NKAIN3: variants seen among roughly 807,000 people sequenced by gnomAD.
The protein encoded by NKAIN3 is sodium/potassium-transporting ATPase subunit beta-1-interacting protein 3.
In NKAIN3, 25 loss-of-function variants were observed where a neutral mutation model predicts 30.2. The observed-to-expected ratio is 0.83, with a 90% CI of 0.60 to 1.16. The LOEUF (loss-of-function observed/expected upper bound fraction) is 1.16, where lower values mean the gene tolerates loss of function less well. NKAIN3 is among the 50% of genes most tolerant of loss of function. The pLI, the probability that NKAIN3 is intolerant of heterozygous loss-of-function variation, is 0.00. For missense variants in NKAIN3, 225 were observed against 254.1 expected (o/e 0.89, Z 0.78); for synonymous variants, 91 against 89.6 (o/e 1.02, Z -0.09).
chr8:62,846,921 A>T (rs2130767507), intron 4 of NKAIN3, among the ~76,000 whole-genome samples: 1 of 152,104 alleles, frequency 6.6e-6, no homozygotes, highest in East Asian at 1.9e-4. Flanking sequence ...GTGCAGGGTA[A>T]CTCCCATATA....
intron 4 of NKAIN3, among the ~76,000 whole-genome samples, chr8:62,801,159 T>A (rs1393050568): frequency 6.6e-6 from 1 of 152,200 alleles, no homozygotes; most frequent in Non-Finnish European, 1.5e-5. Context: ...GAGGCCTGCC[T>A]GCCTCTGTAG....
chr8:62,556,542 A>G (rs1809396568), intron 1 of NKAIN3, among the ~76,000 whole-genome samples: 1 of 151,922 alleles, frequency 6.6e-6, no homozygotes, highest in South Asian at 2.1e-4. Flanking sequence ...CTCAGGTGAG[A>G]CTGAAAAATA....
At chr8:62,934,204 G>T (rs1368871793) in intron 5 of NKAIN3, among the ~76,000 whole-genome samples, 1 of 150,868 alleles carries the variant, frequency 6.6e-6, no homozygotes, top group Non-Finnish European at 1.5e-5. Context: ...GGGCGACATG[G>T]TGAGACCTTC....
intron 1 of NKAIN3, among the ~76,000 whole-genome samples, chr8:62,511,992 A>C (rs1376767): frequency 0.74 from 112,579 of 152,014 alleles, 42,092 homozygotes; most frequent in South Asian, 0.86. Context: ...TAAGAGCAGC[A>C]GCTGGGGCTA....
In NKAIN3 at chr8:62,305,569, T is replaced by G. The variant is rs531044791; in HGVS notation, c.54+56442T>G. On this transcript the variant is annotated intron_variant, in intron 1 of 6. Transcript: ENST00000623646. ...TATTTTTAAAACTCAAGTTTCAACT[T>G]TCTTTCTAGAAATTATGGAAGCTAT... Among the ~76,000 whole-genome samples, 5 of 150,678 alleles carry G rather than the reference T, an allele frequency of 3.3e-5. 1 individual carries two copies. The highest frequency in any genetic ancestry group is 1.2e-4 in the African/African-American group (5 of 40,090).
At chr8:62,816,519 C>G (rs1818684650) in intron 4 of NKAIN3, among the ~76,000 whole-genome samples, 2 of 152,120 alleles carry the variant, frequency 1.3e-5, no homozygotes, top group African/African-American at 4.8e-5. Context: ...AGTTCTACCT[C>G]TGGAGGCAGT....
chr8:62,676,481 A>C (rs955513189), intron 3 of NKAIN3, among the ~76,000 whole-genome samples: 20 of 152,216 alleles, frequency 1.3e-4, no homozygotes, highest in Non-Finnish European at 5.9e-5. Context: ...AGGCAGTAGA[A>C]TGGCGTGAAC....
chr8:62,654,741 C>A (rs1208270579), intron 3 of NKAIN3, among the ~76,000 whole-genome samples: 1 of 151,930 alleles, frequency 6.6e-6, no homozygotes, highest in African/African-American at 2.4e-5. Context: ...AAAAATTTAC[C>A]ACACATACAC....
intron 3 of NKAIN3, among the ~76,000 whole-genome samples, chr8:62,711,926 G>A (rs1814735016): frequency 6.6e-6 from 1 of 152,138 alleles, no homozygotes; most frequent in African/African-American, 2.4e-5. Flanking sequence ...TGTCCCACGG[G>A]GTGTTCCCTT....
chr8:62,253,299 G>A (rs1015941163), intron 1 of NKAIN3, among the ~76,000 whole-genome samples: 3 of 152,146 alleles, frequency 2.0e-5, no homozygotes, highest in East Asian at 1.9e-4. Flanking sequence ...CATCTGACTG[G>A]GTACAGTGGC....
intron 1 of NKAIN3, among the ~76,000 whole-genome samples, chr8:62,528,945 G>T (rs1007551351): frequency 1.3e-5 from 2 of 152,084 alleles, no homozygotes; most frequent in Non-Finnish European, 2.9e-5. Context: ...GAAAAATGAG[G>T]TATATAGAAG....
At chr8:62,682,506 G>A (rs1813673420) in intron 3 of NKAIN3, among the ~76,000 whole-genome samples, 2 of 152,186 alleles carry the variant, frequency 1.3e-5, no homozygotes, top group Non-Finnish European at 2.9e-5. Flanking sequence ...TGAATACAAA[G>A]TGCAGATGTG....
rs1436454972 is a variant in NKAIN3 at position 62,979,423 on chromosome 8, C to G, written c.*14016C>G. On this transcript the variant is annotated 3_prime_UTR_variant, in exon 7 of 7. Coordinates refer to ENST00000623646, the MANE Select transcript of NKAIN3 (RefSeq NM_001304533.3). ...CAAGATTGGGTGACTTATTTATGTA[C>G]ACACACATCCACAATCAAACTTCAA... The G allele has an allele frequency of 6.6e-6, 1 of 152,182 alleles. No homozygotes were observed. 9.4% of individuals were successfully genotyped at this position (152,182 alleles called of 1,614,324 possible).
intron 3 of NKAIN3, among the ~76,000 whole-genome samples, chr8:62,671,830 C>T (rs1022650054): frequency 1.3e-5 from 2 of 152,012 alleles, no homozygotes; most frequent in East Asian, 3.9e-4. Flanking sequence ...AAAAAAATGA[C>T]TTCAGCAGTC....
chr8:62,552,222 A>G (rs1809240162), intron 1 of NKAIN3, among the ~76,000 whole-genome samples: 1 of 152,184 alleles, frequency 6.6e-6, no homozygotes, highest in Non-Finnish European at 1.5e-5. Flanking sequence ...CATTTATTTT[A>G]AGAAAATTTA....
chr8:62,718,704 A>G (rs1461248239), intron 3 of NKAIN3, among the ~76,000 whole-genome samples: 1 of 151,542 alleles, frequency 6.6e-6, no homozygotes, highest in Non-Finnish European at 1.5e-5. Flanking sequence ...ATTTATATCT[A>G]TTTTTAACCA....
At chr8:62,863,101 T>C (rs970934518) in intron 4 of NKAIN3, 15 of 1,271,200 alleles carry the variant, frequency 1.2e-5, no homozygotes, top group African/African-American at 3.0e-5. Context: ...AAAAGGGTAT[T>C]CCCCATCCTG....
intron 4 of NKAIN3, among the ~76,000 whole-genome samples, chr8:62,750,793 A>G (rs1816255134): frequency 6.6e-6 from 1 of 152,074 alleles, no homozygotes; most frequent in Admixed American, 6.6e-5. Context: ...GAGCAGCAAA[A>G]TGCAATCCAT....
intron 4 of NKAIN3, among the ~76,000 whole-genome samples, chr8:62,767,213 G>A (rs1265945947): frequency 1.3e-5 from 2 of 152,182 alleles, no homozygotes; most frequent in East Asian, 3.8e-4. Context: ...ATGAGACACA[G>A]GAATTGTCAG....
Sources: gnomAD v4.1 joint callset for allele counts (sites outside exome capture counted in the v4.1 genomes callset) on GRCh38, gnomAD v4.1.1 for gene constraint, MANE v1.5 for transcripts, NCBI Gene and HGNC (gene_info 2026-07-23, HGNC 2026-07-21) for gene names.